Variants in TOPBP1 observed in about 807,000 individuals in gnomAD.
The protein encoded by TOPBP1 is DNA topoisomerase II binding protein 1, also known as DNA topoisomerase 2-binding protein 1.
A neutral mutation model predicts 167.7 loss-of-function variants in TOPBP1; 28 were observed. The observed-to-expected ratio is 0.17, with a 90% CI of 0.12 to 0.23. The LOEUF (loss-of-function observed/expected upper bound fraction) is 0.23. TOPBP1 is among the 10% of genes least tolerant of loss of function. The pLI is 1.00. For synonymous variants in TOPBP1, 598 were observed against 611.4 expected, an observed-to-expected ratio of 0.98 and a Z score of 0.32; for missense variants, 1,554 against 1,809.6, an observed-to-expected ratio of 0.86 and a Z score of 2.56.
intron 8 of TOPBP1, among the ~76,000 whole-genome samples, chr3:133,651,075 C>T (rs867891111): frequency 1.1e-4 from 16 of 145,968 alleles, no homozygotes; most frequent in African/African-American, 3.6e-4. Context: ...CCAGCCTGGG[C>T]GACAGAGCAA....
At chr3:133,633,796 CAACAA>C (rs970274640) in intron 14 of TOPBP1, among the ~76,000 whole-genome samples, 3 of 152,090 alleles carry the variant, frequency 2.0e-5, no homozygotes, top group Non-Finnish European at 2.9e-5. Flanking sequence ...GTCTTAAACA[CAACAA>C]AACAAAACAA....
chr3:133,629,563 T>C lies in TOPBP1; in HGVS notation c.2521-830A>G, dbSNP rs910589838. Reference sequence around the variant, plus strand: ...GAAACACAGTTAGACCCAATTTCTTTTTAAAAAAACTAAAAAAACAAGACC... The same window carrying C: ...GAAACACAGTTAGACCCAATTTCTTCTTAAAAAAACTAAAAAAACAAGACC... On this transcript the variant is annotated intron_variant, in intron 14 of 27. Coordinates refer to ENST00000260810, the MANE Select transcript of TOPBP1 (RefSeq NM_007027.4). Among the ~76,000 whole-genome samples the C allele has an allele frequency of 2.6e-5, 4 of 152,244 alleles. No individual in the cohort carries two copies. In the South Asian group the frequency reaches 6.2e-4, roughly 24 times the overall value.
intron 27 of TOPBP1, among the ~76,000 whole-genome samples, chr3:133,603,583 T>C (rs1934383501): frequency 6.6e-6 from 1 of 152,164 alleles, no homozygotes; most frequent in African/African-American, 2.4e-5. Context: ...ATAATGTACA[T>C]TCAAGGCGGA....
In TOPBP1 at chr3:133,623,952, T is replaced by TAGTTC. The variant is rs1476484670; in HGVS notation, c.2928+95_2928+99dup. On this transcript the variant is annotated intron_variant, in intron 17 of 27. Transcript: ENST00000260810. ...TAACCAAGACTATTAAACTGGCTTC[T>TAGTTC]AGTTCCATTGAGAGTGAAAACTCTT... 3.6e-6 allele frequency: 5 copies of TAGTTC among 1,399,220 alleles called. No individual in the cohort carries two copies. In the East Asian group the frequency reaches 1.3e-4, roughly 35 times the overall value. 86.7% of individuals were successfully genotyped at this position (1,399,220 alleles called of 1,614,324 possible).
Position 133,659,167 on chromosome 3 carries a change from A to C in TOPBP1, c.85-17T>G. Reference sequence around the variant, plus strand: ...TTTTATGGACTGAAAGAAAAAATAAAATAAGAATGTACCTGAAATTACTCT... The same window carrying C: ...TTTTATGGACTGAAAGAAAAAATAACATAAGAATGTACCTGAAATTACTCT... On this transcript the variant is annotated splice_polypyrimidine_tract_variant and intron_variant, in intron 2 of 27. Coordinates refer to ENST00000260810, the MANE Select transcript of TOPBP1 (RefSeq NM_007027.4). The C allele has an allele frequency of 4.5e-6, 7 of 1,539,082 alleles. No homozygotes were observed. Among genetic ancestry groups the C allele is most frequent in the Non-Finnish European group, 5.2e-6 (6 of 1,145,698 alleles).
rs1936335195 is a variant in TOPBP1, at chr3:133,652,324, G to C, written c.1089+139C>G. ...GCAGCCAAAGGATGGACATGGTCTA[G>C]TAAGTGCATCTACTTAGCTAGAGTG... On this transcript the variant is annotated intron_variant, in intron 8 of 27. Transcript: ENST00000260810. The C allele has an allele frequency of 5.0e-6, 4 of 798,758 alleles. No homozygotes were observed. In the African/African-American group the frequency reaches 7.0e-5, roughly 14 times the overall value. 49.5% of individuals were successfully genotyped at this position (798,758 alleles called of 1,614,324 possible). A position where few individuals can be genotyped will look rare whatever the true frequency, so the allele number is the denominator to read the frequency against.
rs11341315 is a variant in TOPBP1 at position 133,657,381 on chromosome 3, CTT to C, written c.363+415_363+416del. 1.4e-3 allele frequency among the ~76,000 whole-genome samples: 179 copies of C among 130,040 alleles called. No homozygotes were observed. In the Middle Eastern group the frequency reaches 0.015, roughly 11 times the overall value. The allele number at this position is 130,040 out of a possible 152,430, so 85.3% of individuals were successfully genotyped here. Reference sequence around the variant, plus strand: ...ATTTCTATAGCTCTCTCTTAGAATGCTTTTTTTTTTTTTTTTCCAAAACGAAA... The same window carrying C: ...ATTTCTATAGCTCTCTCTTAGAATGCTTTTTTTTTTTTTTCCAAAACGAAA... On this transcript the variant is annotated intron_variant, in intron 4 of 27. Coordinates refer to ENST00000260810, the MANE Select transcript of TOPBP1 (RefSeq NM_007027.4).
rs1934968096 is a variant in TOPBP1 at position 133,618,346 on chromosome 3, C to T, written c.3459G>A (p.Glu1153=). The T allele has an allele frequency of 6.2e-7, 1 of 1,613,880 alleles. No homozygotes were observed. The highest frequency in any genetic ancestry group is 1.3e-5 in the African/African-American group (1 of 74,938). The change falls in exon 21 of 28, where the codon GAG becomes GAA. Residue 1153 remains glutamate, a synonymous_variant. Coordinates refer to ENST00000260810, the MANE Select transcript of TOPBP1 (RefSeq NM_007027.4). ...IIWDDPTARE[E]RARLASNLQW... Reference sequence around the variant, plus strand: ...GCAAATTGCTGGCAAGCCTTGCTCTCTCCTCCCTTGCTGTAGGGTCATCCC... The same window carrying T: ...GCAAATTGCTGGCAAGCCTTGCTCTTTCCTCCCTTGCTGTAGGGTCATCCC...
chr3:133,624,555 A>G (rs1413885684), intron 16 of TOPBP1, among the ~76,000 whole-genome samples: 1 of 152,268 alleles, frequency 6.6e-6, no homozygotes, highest in Non-Finnish European at 1.5e-5. Context: ...GTATATAAAT[A>G]CAGAGAGAGG....
At chr3:133,638,439 A>C (rs1187220559) in intron 13 of TOPBP1, among the ~76,000 whole-genome samples, 1 of 152,198 alleles carries the variant, frequency 6.6e-6, no homozygotes, top group Non-Finnish European at 1.5e-5. Context: ...AACTGAAAAA[A>C]TAATAATAGA....
Position 133,659,116 on chromosome 3 carries a change from T to C in TOPBP1, c.119A>G (p.Gln40Arg), listed in dbSNP as rs1343106680. 1 of 1,579,998 alleles carries C rather than the reference T, an allele frequency of 6.3e-7. No individual in the cohort carries two copies. Among genetic ancestry groups the C allele is most frequent in the Non-Finnish European group, 8.6e-7 (1 of 1,161,940 alleles). ...IKEFQSEEYL[Q>R]IITEEEALKI... is the part of the protein sequence containing the mutation. The stretch of plus-strand genomic sequence containing the variant: ...CAATGCCTCTTCTTCTGTAATAATC[T>C]GAAGATATTCTTCTGATTGGAATTC... The change falls in exon 3 of 28, where the codon CAG becomes CGG. Residue 40 changes from glutamine to arginine, a missense_variant. Transcript: ENST00000260810.
intron 23 of TOPBP1, among the ~76,000 whole-genome samples, chr3:133,614,152 A>G (rs1934781384): frequency 1.3e-5 from 2 of 152,148 alleles, no homozygotes; most frequent in African/African-American, 4.8e-5. Context: ...GATGACTCTA[A>G]TAATAATAGC....
chr3:133,637,205 T>C (rs1161866662), intron 14 of TOPBP1, among the ~76,000 whole-genome samples: 3 of 152,290 alleles, frequency 2.0e-5, no homozygotes, highest in Non-Finnish European at 2.9e-5. Context: ...AAAGAAATCA[T>C]AGACAGTGGG....
intron 27 of TOPBP1, among the ~76,000 whole-genome samples, chr3:133,603,307 T>C (rs896331818): frequency 2.0e-5 from 3 of 151,558 alleles, no homozygotes; most frequent in Non-Finnish European, 4.4e-5. Context: ...ATTAAACTAA[T>C]ACAAAAAAAG....
intron 4 of TOPBP1, among the ~76,000 whole-genome samples, 198 bp downstream of exon 4, chr3:133,657,600 A>C (rs1936522129): frequency 1.3e-5 from 2 of 152,238 alleles, no homozygotes; most frequent in Admixed American, 6.5e-5. Flanking sequence ...AGTTTTCAAC[A>C]AAACAAATTC....
intron 23 of TOPBP1, among the ~76,000 whole-genome samples, chr3:133,612,805 T>C (rs1934725364): frequency 6.6e-6 from 1 of 152,254 alleles, no homozygotes; most frequent in South Asian, 2.1e-4. Flanking sequence ...ACTAGCTACC[T>C]ATATTCTAAA....
rs1935995156 is a variant in TOPBP1, at chr3:133,644,150, T to C, written c.1718A>G (p.Asn573Ser). ...TTTCCCAGCATTTTCTTTTATGATGTTTGCGATGTTAGATTCATTTTCATT... is the reference window on the plus strand; with the variant it reads ...TTTCCCAGCATTTTCTTTTATGATGCTTGCGATGTTAGATTCATTTTCATT... The part of the protein sequence containing the change: ...FSNENESNIA[N>S]IIKENAGKIM... The change falls in exon 11 of 28, where the codon AAC becomes AGC. Residue 573 changes from asparagine to serine, a missense_variant. By Grantham distance (46) the Asn-to-Ser change is conservative. Around this residue, in one of 3 missense-constraint regions of TOPBP1, gnomAD observed 1,197 missense variants for 1,351.5 expected, o/e 0.89. Coordinates refer to ENST00000260810, the MANE Select transcript of TOPBP1 (RefSeq NM_007027.4). The C allele has an allele frequency of 6.8e-6, 11 of 1,613,934 alleles. No homozygotes were observed. In the East Asian group the frequency reaches 2.5e-4, roughly 36 times the overall value.
In TOPBP1 at chr3:133,649,920, G is replaced by A. The variant is rs1936226913; in HGVS notation, c.1113C>T (p.Gly371=). 3.7e-6 allele frequency: 6 copies of A among 1,600,096 alleles called. No individual in the cohort carries two copies. Among genetic ancestry groups the A allele is most frequent in the East Asian group, 2.2e-5 (1 of 44,654 alleles). The change falls in exon 9 of 28, where the codon GGC becomes GGT. Residue 371 remains glycine (G), a synonymous_variant. Transcript: ENST00000260810. ...GTCTTCTCAGTTTATCTAGCTTTCT[G>A]CCACTAAAACCGCAAAGATATATCT... ...GCRIYLCGFS[G]RKLDKLRRLI...
intron 21 of TOPBP1, 190 bp downstream of exon 21, chr3:133,618,023 A>T: frequency 1.8e-6 from 1 of 563,464 alleles, no homozygotes. Flanking sequence ...ATGTTTTTCA[A>T]TTTACTGATG....
Sources: allele counts gnomAD v4.1 joint callset (sites outside exome capture counted in the v4.1 genomes callset), GRCh38; gene constraint gnomAD v4.1.1; regional missense constraint gnomAD v4.1.1; transcripts MANE v1.5; gene names NCBI Gene and HGNC (gene_info 2026-07-23, HGNC 2026-07-21).